Variants in NOC2L observed in about 807,000 individuals in gnomAD.
NOC2L encodes the protein nucleolar complex protein 2 homolog.
A neutral mutation model predicts 94.2 loss-of-function variants in NOC2L; 101 were observed. That is an observed-to-expected ratio of 1.07 (90% CI 0.91 to 1.26). The LOEUF (loss-of-function observed/expected upper bound fraction) is 1.26. Ranked by LOEUF, NOC2L falls within the 50% of genes most tolerant of loss-of-function variation. The pLI is 0.00. For synonymous variants in NOC2L, 531 were observed against 413.4 expected (o/e 1.28, Z -3.45); for missense variants, 1,076 against 980.1 (o/e 1.10, Z -1.31).
At chr1:947,298 G>A (rs1322921874) in intron 14 of NOC2L, among the ~76,000 whole-genome samples, 1 of 152,332 alleles carries the variant, frequency 6.6e-6, no homozygotes, top group Middle Eastern at 3.4e-3. Context: ...GGGAGGAACA[G>A]AGGCTGTGGC....
chr1:957,354 C>T, intron 2 of NOC2L, 81 bp from the exon 3 acceptor site: 14 of 1,406,154 alleles, frequency 1.0e-5, no homozygotes, highest in Middle Eastern at 3.7e-4. Flanking sequence ...CAGTCTACTC[C>T]CTTCACAAGG....
At position 958,916 on chromosome 1, in the gene NOC2L, T is replaced by C. The variant is rs369193271; in HGVS notation, c.179+13A>G. ...ACGAGCAAGAGGTTCTGCTCACGCA[T>C]GTCCCCACTAACCTGGCCGAGGGGC... On this transcript the variant is annotated intron_variant, in intron 2 of 18. Transcript: ENST00000327044. 57 of 1,612,658 alleles carry C rather than the reference T, an allele frequency of 3.5e-5. No homozygotes were observed. The highest frequency in any genetic ancestry group is 4.3e-5 in the Non-Finnish European group (51 of 1,179,860).
At chr1:958,599 G>A (rs773476002) in intron 2 of NOC2L, 26 of 527,840 alleles carry the variant, frequency 4.9e-5, no homozygotes, top group South Asian at 3.0e-4. Context: ...TCTCTCTTCA[G>A]CCCCTCTGTC....
In NOC2L at chr1:956,237, G is replaced by C. The variant is rs201026552; in HGVS notation, c.487-22C>G. On this transcript the variant is annotated intron_variant, in intron 4 of 18. Coordinates refer to ENST00000327044, the MANE Select transcript of NOC2L (RefSeq NM_015658.4). ...GTTGCTGAAGGAGCAAGAGTACCAG[G>C]GGCGTCAGGGGAGCTGAGACTGCAC... The C allele has an allele frequency of 1.8e-4, 295 of 1,610,878 alleles. No homozygotes were observed. The African/African-American group carries it at 3.4e-3, about 19-fold the overall frequency.
At chr1:950,319 A>G (rs4970376) in intron 12 of NOC2L, among the ~76,000 whole-genome samples, 141,885 of 151,930 alleles carry the variant, frequency 0.93, 66,279 homozygotes, top group Non-Finnish European at 0.95. Context: ...GCACGCAGAC[A>G]CACATGCATG....
At chr1:949,526 T>C (rs936030476) in intron 12 of NOC2L, among the ~76,000 whole-genome samples, 1 of 152,142 alleles carries the variant, frequency 6.6e-6, no homozygotes, top group Non-Finnish European at 1.5e-5. Context: ...GCTTTTAGGG[T>C]TTGCTTTTTC....
intron 14 of NOC2L, among the ~76,000 whole-genome samples, chr1:947,667 TG>T: frequency 6.6e-6 from 1 of 152,258 alleles, no homozygotes; most frequent in South Asian, 2.1e-4. Context: ...GAGGCTGACG[TG>T]GGGTATTTAG....
At chr1:950,755 C>T (rs1303473473) in intron 12 of NOC2L, among the ~76,000 whole-genome samples, 11 of 152,212 alleles carry the variant, frequency 7.2e-5, no homozygotes, top group Admixed American at 2.0e-4. Context: ...TACACACATC[C>T]CCCATACAAA....
In NOC2L at chr1:952,473, G is replaced by C. The variant is rs1310500245; in HGVS notation, c.1130C>G (p.Ala377Gly). Residue 377 changes from alanine (A) to glycine (G), a missense_variant, in exon 10 of 19, where the codon GCC (alanine) becomes GGC (glycine). This residue lies in a region of NOC2L where 615 missense variants were observed against 577.4 expected (regional missense o/e 1.07). Transcript: ENST00000327044. ...GGCGAGCTGGCGGATGTAGAGGAAG[G>C]CGTGCTGGTAGGCCACACCCGGCTC... The part of the protein sequence containing the change: ...ALEPGVAYQH[A>G]FLYIRQLAIH... The C allele has an allele frequency of 1.2e-6, 2 of 1,613,836 alleles. No homozygotes were observed. Among genetic ancestry groups the C allele is most frequent in the Non-Finnish European group, 1.7e-6 (2 of 1,179,988 alleles).
At chr1:953,568 G>A (rs749975613) in intron 8 of NOC2L, among the ~76,000 whole-genome samples, 10 of 152,254 alleles carry the variant, frequency 6.6e-5, no homozygotes, top group Non-Finnish European at 1.3e-4. Flanking sequence ...CTTTGCTCAC[G>A]GACTGAGCCG....
chr1:950,012 A>G (rs1397904403), intron 12 of NOC2L, among the ~76,000 whole-genome samples: 1 of 152,240 alleles, frequency 6.6e-6, no homozygotes, highest in Non-Finnish European at 1.5e-5. Flanking sequence ...CACCCACTGA[A>G]AGTTGAAACT....
chr1:952,419 C>A lies in NOC2L; in HGVS notation c.1184G>T (p.Arg395Leu), dbSNP rs141541533. 26 of 1,613,146 alleles carry A rather than the reference C, an allele frequency of 1.6e-5. No homozygotes were observed. In the Admixed American group the frequency reaches 3.7e-4, roughly 23 times the overall value. Reference sequence around the variant, plus strand: ...AAGGGCCCCACCACACACCTTCTTGCGAGTGGTCATGGCGTTGCGCAGGTG... The same window carrying A: ...AAGGGCCCCACCACACACCTTCTTGAGAGTGGTCATGGCGTTGCGCAGGTG... ...AIHLRNAMTT[R>L]KKETYQSVYN... is the part of the protein sequence containing the mutation. The change falls in exon 10 of 19, where the codon CGC becomes CTC. Residue 395 changes from arginine (R) to leucine (L), a missense_variant. Transcript: ENST00000327044.
At chr1:956,817 G>A (rs1373460841) in intron 4 of NOC2L, 77 bp downstream of exon 4, 10 of 1,588,700 alleles carry the variant, frequency 6.3e-6, no homozygotes, top group African/African-American at 1.3e-5. Context: ...CCCGCCCCTC[G>A]CTGCTGCTCA....
chr1:956,761 CGCCTCAGGT>C (rs1437727900), intron 4 of NOC2L, 124 bp downstream of exon 4: 6 of 1,282,604 alleles, frequency 4.7e-6, no homozygotes, highest in Non-Finnish European at 6.6e-6. Context: ...CAGCCTCAGG[CGCCTCAGGT>C]GAGGCAAGGC....
intron 2 of NOC2L, chr1:958,612 TC>T: frequency 1.8e-6 from 1 of 561,806 alleles, no homozygotes; most frequent in Non-Finnish European, 3.4e-6. Flanking sequence ...CCTCTGTCCT[TC>T]CTTTCCCTCC....
chr1:944,530 C>A lies in NOC2L; in HGVS notation c.*164G>T. The A allele has an allele frequency of 1.6e-6, 1 of 627,476 alleles. No homozygotes were observed. Among genetic ancestry groups the A allele is most frequent in the Non-Finnish European group, 2.7e-6 (1 of 371,338 alleles). The allele number at this position is 627,476 out of a possible 1,614,324, so 38.9% of individuals were successfully genotyped here. ...CACCAGCCCAGCCCAGCCCAGCTCT[C>A]GATACGTTTGGTCTTTCATGCTGAA... On this transcript the variant is annotated 3_prime_UTR_variant, in exon 19 of 19. Coordinates refer to ENST00000327044, the MANE Select transcript of NOC2L (RefSeq NM_015658.4).
intron 8 of NOC2L, 39 bp from the exon 9 acceptor site, chr1:953,327 C>G (rs1179508418): frequency 7.9e-7 from 1 of 1,261,498 alleles, no homozygotes; most frequent in South Asian, 1.2e-5. Flanking sequence ...CCCCCAGCCT[C>G]CTCAGCAGGG....
rs1309812610 is a variant in NOC2L at position 951,244 on chromosome 1, G to C, written c.1332-6C>G. ...AGCGGGCAGTGGGGATGAGCCTGGGGGTGGGAAGGCCGAGTGAGCAGAGGC... is the reference window on the plus strand; with the variant it reads ...AGCGGGCAGTGGGGATGAGCCTGGGCGTGGGAAGGCCGAGTGAGCAGAGGC... On this transcript the variant is annotated splice_region_variant and splice_polypyrimidine_tract_variant and intron_variant, in intron 11 of 18. Coordinates refer to ENST00000327044, the MANE Select transcript of NOC2L (RefSeq NM_015658.4). 1 of 1,569,838 alleles carries C rather than the reference G, an allele frequency of 6.4e-7. No homozygotes were observed. The highest frequency in any genetic ancestry group is 8.6e-7 in the Non-Finnish European group (1 of 1,157,028).
Position 956,195 on chromosome 1 carries a change from C to T in NOC2L, c.507G>A (p.Leu169=). ...QAAKQRLTPK[L]FHEVVQAFRA... ...GGAACGCCTGTACCACTTCATGGAACAGCTTTGGAGTGAGGCGTTGCTGAA... is the reference window on the plus strand; with the variant it reads ...GGAACGCCTGTACCACTTCATGGAATAGCTTTGGAGTGAGGCGTTGCTGAA... The change falls in exon 5 of 19, where the codon CTG becomes CTA. Residue 169 remains leucine, a synonymous_variant. Coordinates refer to ENST00000327044, the MANE Select transcript of NOC2L (RefSeq NM_015658.4). The T allele has an allele frequency of 6.2e-7, 1 of 1,613,816 alleles. No individual in the cohort carries two copies.
Sources: gnomAD v4.1 joint callset for allele counts (sites outside exome capture counted in the v4.1 genomes callset) on GRCh38, gnomAD v4.1.1 for gene constraint, gnomAD v4.1.1 regional missense constraint, MANE v1.5 for transcripts, NCBI Gene and HGNC (gene_info 2026-07-23, HGNC 2026-07-21) for gene names.